TTC21B: variants seen among roughly 807,000 people sequenced by gnomAD.
TTC21B encodes the protein tetratricopeptide repeat protein 21B.
In TTC21B, 127 loss-of-function variants were observed where a neutral mutation model predicts 175.1. That is an observed-to-expected ratio of 0.73 (90% CI 0.63 to 0.84). TTC21B has a LOEUF of 0.84. Among genes scored for constraint, TTC21B ranks in the 40% least tolerant of loss-of-function variants. TTC21B has a pLI of 0.00. For missense variants in TTC21B, 1,561 were observed against 1,558.3 expected, an observed-to-expected ratio of 1.00 and a Z score of -0.03; for synonymous variants, 524 against 524.5, an observed-to-expected ratio of 1.00 and a Z score of 0.01.
chr2:165,934,603 TA>T (rs58636754), intron 6 of TTC21B: 115,636 of 142,336 alleles, frequency 0.81, 46,887 homozygotes, highest in Middle Eastern at 0.9. Context: ...TAGGCTCACT[TA>T]AAAAAAAAAA....
intron 1 of TTC21B, among the ~76,000 whole-genome samples, chr2:165,952,377 T>A (rs1198587327): frequency 2.0e-5 from 3 of 152,060 alleles, no homozygotes; most frequent in African/African-American, 7.2e-5. Flanking sequence ...GCCAATTAGA[T>A]GTGATAGACC....
intron 25 of TTC21B, among the ~76,000 whole-genome samples, chr2:165,887,643 C>T (rs567467314): frequency 6.8e-4 from 103 of 151,472 alleles, no homozygotes; most frequent in Non-Finnish European, 1.1e-3. Flanking sequence ...GCTGAGATCG[C>T]GCCATTGCAC....
At chr2:165,887,514 C>T (rs967021561) in intron 25 of TTC21B, among the ~76,000 whole-genome samples, 6 of 151,944 alleles carry the variant, frequency 3.9e-5, no homozygotes, top group Non-Finnish European at 2.9e-5. Flanking sequence ...TGGCAAAACC[C>T]CTTCTCTACT....
At chr2:165,923,334 T>C (rs930152471) in intron 12 of TTC21B, among the ~76,000 whole-genome samples, 2 of 152,156 alleles carry the variant, frequency 1.3e-5, no homozygotes, top group Non-Finnish European at 2.9e-5. Flanking sequence ...TAACTATTCA[T>C]GAAAATACCT....
At chr2:165,949,896 C>T in intron 1 of TTC21B, 172 bp from the exon 2 acceptor site, 1 of 591,510 alleles carries the variant, frequency 1.7e-6, no homozygotes, top group Non-Finnish European at 2.9e-6. Flanking sequence ...CTAAGGATTG[C>T]AGAACTGAAT....
At chr2:165,874,878 A>G (rs925494359) in intron 28 of TTC21B, 46 bp from the exon 29 acceptor site, 11 of 1,532,158 alleles carry the variant, frequency 7.2e-6, no homozygotes, top group Non-Finnish European at 9.0e-6. Context: ...ACTAATAATC[A>G]AAAACTACGG....
intron 11 of TTC21B, among the ~76,000 whole-genome samples, chr2:165,927,725 T>A (rs1449324872): frequency 2.7e-5 from 4 of 150,452 alleles, no homozygotes. Context: ...GACTGGGGAG[T>A]CTGAGGTCAA....
At chr2:165,898,984 C>T (rs545575562) in intron 21 of TTC21B, among the ~76,000 whole-genome samples, 13 of 152,268 alleles carry the variant, frequency 8.5e-5, no homozygotes, top group African/African-American at 3.1e-4. Flanking sequence ...ACAGATTGCT[C>T]TGCTTGCAAA....
rs79777167 is a variant in TTC21B at position 165,901,937 on chromosome 2, TA to T, written c.2569-28del. On this transcript the variant is annotated intron_variant, in intron 19 of 28. Coordinates refer to ENST00000243344, the MANE Select transcript of TTC21B (RefSeq NM_024753.5). ...TAGAAAAAATCAGTATAAAAGGGAA[TA>T]AAAAAAAAAAAGGAAATTAAATTCT... 168,078 of 1,044,540 alleles carry T rather than the reference TA, an allele frequency of 0.16. 934 individuals carry two copies. Among genetic ancestry groups the T allele is most frequent in the Admixed American group, 0.26 (10,736 of 40,646 alleles). 64.7% of individuals were successfully genotyped at this position (1,044,540 alleles called of 1,614,324 possible). A position where few individuals can be genotyped will look rare whatever the true frequency, so the allele number is the denominator to read the frequency against.
Position 165,929,755 on chromosome 2 carries a change from C to A in TTC21B, c.1088-8G>T. On this transcript the variant is annotated splice_region_variant and splice_polypyrimidine_tract_variant and intron_variant, in intron 9 of 28. Transcript: ENST00000243344. ...ACTGACATTGGATAAATCCTAAAATCAAACAGCAGAAAGACAGTCAAAGTC... is the reference window on the plus strand; with the variant it reads ...ACTGACATTGGATAAATCCTAAAATAAAACAGCAGAAAGACAGTCAAAGTC... 2 of 1,595,112 alleles carry A rather than the reference C, an allele frequency of 1.3e-6. No individual in the cohort carries two copies. Among genetic ancestry groups the A allele is most frequent in the Non-Finnish European group, 1.7e-6 (2 of 1,164,584 alleles).
At position 165,917,455 on chromosome 2, in the gene TTC21B, C is replaced by G; in HGVS notation, c.1701G>C (p.Leu567Phe). ...FKVRDYPLYH[L>F]IKAQSQKKMG... Reference sequence around the variant, plus strand: ...TTTTCTTTTGTGACTGAGCTTTTATCAAATGGTATAAAGGATAGTCTCTCA... The same window carrying G: ...TTTTCTTTTGTGACTGAGCTTTTATGAAATGGTATAAAGGATAGTCTCTCA... The change falls in exon 14 of 29, where the codon TTG becomes TTC. Residue 567 changes from leucine (L) to phenylalanine (F), a missense_variant. Leu to Phe is a conservative substitution (Grantham distance 22, BLOSUM62 0). Transcript: ENST00000243344. The G allele has an allele frequency of 6.2e-7, 1 of 1,613,464 alleles. No homozygotes were observed. The highest frequency in any genetic ancestry group is 1.1e-5 in the South Asian group (1 of 91,058).
At chr2:165,875,945 T>C (rs187793105) in intron 28 of TTC21B, among the ~76,000 whole-genome samples, 1 of 152,250 alleles carries the variant, frequency 6.6e-6, no homozygotes, top group Non-Finnish European at 1.5e-5. Context: ...TAAATTGACA[T>C]AAACATTTTA....
At chr2:165,907,323 A>T (rs1685773440) in intron 19 of TTC21B, among the ~76,000 whole-genome samples, 1 of 152,068 alleles carries the variant, frequency 6.6e-6, no homozygotes, top group African/African-American at 2.4e-5. Flanking sequence ...TCTGTGTAAA[A>T]CCTCTACACT....
intron 1 of TTC21B, 132 bp from the exon 2 acceptor site, chr2:165,949,856 T>A: frequency 2.5e-6 from 2 of 814,572 alleles, no homozygotes; most frequent in Non-Finnish European, 3.9e-6. Flanking sequence ...CCAAGTTTCT[T>A]AAAATACTAT....
rs753687674 is a variant in TTC21B at position 165,874,787 on chromosome 2, G to A, written c.3919C>T (p.Leu1307Phe). The A allele has an allele frequency of 2.5e-6, 4 of 1,613,712 alleles. No homozygotes were observed. In the South Asian group the frequency reaches 4.4e-5, roughly 18 times the overall value. Residue 1307 changes from leucine to phenylalanine, a missense_variant, in exon 29 of 29, where the codon CTT (leucine) becomes TTT (phenylalanine). By Grantham distance (22) the Leu-to-Phe change is conservative. Transcript: ENST00000243344. ...PTYPKIRKDI[L>F]DKARASLRP is the part of the protein sequence containing the mutation. ...CTTAAAGACGCACGGGCCTTATCAA[G>A]TATATCCTTTCTGATTTTTGGATAA...
At chr2:165,921,369 T>C (rs1269679397) in intron 12 of TTC21B, among the ~76,000 whole-genome samples, 1 of 152,190 alleles carries the variant, frequency 6.6e-6, no homozygotes. Flanking sequence ...AGGAAGGTGA[T>C]GTCTCCTGAC....
At position 165,890,531 on chromosome 2, in the gene TTC21B, C is replaced by T; in HGVS notation, c.3211G>A (p.Asp1071Asn). ...ACTTCACCTCCAACAGTTTCATTAT[C>T]TGGATTCAAACAGATCTCTATCATA... is the stretch of plus-strand genomic sequence containing the variant. ...YNMIEICLNP[D>N]NETVGGEVFE... is the part of the protein sequence containing the mutation. The change falls in exon 24 of 29, where the codon GAT becomes AAT. Residue 1071 changes from aspartate to asparagine, a missense_variant. Physicochemically the swap from Asp to Asn is conservative, Grantham distance 23 (BLOSUM62 1). Transcript: ENST00000243344. The T allele has an allele frequency of 6.2e-7, 1 of 1,613,684 alleles. No individual in the cohort carries two copies. The highest frequency in any genetic ancestry group is 1.7e-4 in the Middle Eastern group (1 of 6,056).
At chr2:165,906,271 A>AAG (rs1685729402) in intron 19 of TTC21B, among the ~76,000 whole-genome samples, 1 of 150,626 alleles carries the variant, frequency 6.6e-6, no homozygotes, top group Admixed American at 6.6e-5. Flanking sequence ...AAAAAAAAAA[A>AAG]AAAAAAAAAA....
In TTC21B at chr2:165,880,700, T is replaced by G; in HGVS notation, c.3784A>C (p.Asn1262His). 6.2e-7 allele frequency: 1 copy of G among 1,613,650 alleles called. No individual in the cohort carries two copies. The highest frequency in any genetic ancestry group is 1.1e-5 in the South Asian group (1 of 91,080). The change falls in exon 27 of 29, where the codon AAT becomes CAT. Residue 1262 changes from asparagine to histidine, a missense_variant. Coordinates refer to ENST00000243344, the MANE Select transcript of TTC21B (RefSeq NM_024753.5). ...TCACCTACTGCCGGATTTGTCCGAT[T>G]GCTATATTTCCATGCCATCTCATAG... The part of the protein sequence containing the change: ...LNYEMAWKYS[N>H]RTNPAVGYKL...
Sources: allele counts gnomAD v4.1 joint callset (sites outside exome capture counted in the v4.1 genomes callset), GRCh38; gene constraint gnomAD v4.1.1; transcripts MANE v1.5; gene names NCBI Gene and HGNC (gene_info 2026-07-23, HGNC 2026-07-21).